Variants in GAS2 observed in about 807,000 individuals in gnomAD.
GAS2 encodes the protein growth arrest specific 2.
In GAS2, 20 loss-of-function variants were observed where a neutral mutation model predicts 37.5. That is an observed-to-expected ratio of 0.53 (90% CI 0.37 to 0.77). GAS2 has a LOEUF of 0.77. Among genes scored for constraint, GAS2 ranks in the 30% least tolerant of loss-of-function variants. The pLI, the probability that GAS2 is intolerant of heterozygous loss-of-function variation, is 0.00. For synonymous variants in GAS2, 144 were observed against 132.2 expected (o/e 1.09, Z -0.61); for missense variants, 336 against 373.4 (o/e 0.90, Z 0.82).
intron 3 of GAS2, among the ~76,000 whole-genome samples, chr11:22,698,203 C>G (rs973306762): frequency 6.6e-6 from 1 of 152,172 alleles, no homozygotes; most frequent in African/African-American, 2.4e-5. Context: ...ACCCATCCCA[C>G]AGAAATACAA....
intron 1 of GAS2, among the ~76,000 whole-genome samples, chr11:22,635,562 A>G (rs337483): frequency 0.97 from 148,261 of 152,284 alleles, 72,313 homozygotes; most frequent in East Asian, 1. Context: ...GTGGCTTTCA[A>G]GCCACACCCC....
intron 2 of GAS2, among the ~76,000 whole-genome samples, chr11:22,682,672 G>A (rs1047819372): frequency 1.3e-5 from 2 of 151,850 alleles, no homozygotes; most frequent in Non-Finnish European, 2.9e-5. Flanking sequence ...TAGGTCAACA[G>A]ATCGAGACCA....
rs1436360854 is a variant in GAS2 at position 22,771,121 on chromosome 11, GT to G, written c.723+15171del. ...TTTTTTCATGAGGTACTAAAACACTGTTTCTTCTTTTGTTTTTCCCATGATA... is the reference window on the plus strand; with the variant it reads ...TTTTTTCATGAGGTACTAAAACACTGTTCTTCTTTTGTTTTTCCCATGATA... On this transcript the variant is annotated intron_variant, in intron 7 of 7. Transcript: ENST00000454584. Among the ~76,000 whole-genome samples, 3 of 151,472 alleles carry G rather than the reference GT, an allele frequency of 2.0e-5. No homozygotes were observed. In the East Asian group the frequency reaches 5.8e-4, roughly 29 times the overall value.
intron 7 of GAS2, among the ~76,000 whole-genome samples, chr11:22,779,070 T>C (rs1156827726): frequency 6.6e-6 from 1 of 151,788 alleles, no homozygotes; most frequent in Admixed American, 6.6e-5. Context: ...TCTTCAGTGT[T>C]TTTCTTTTTT....
intron 1 of GAS2, among the ~76,000 whole-genome samples, chr11:22,637,105 T>G (rs1439907360): frequency 3.9e-5 from 5 of 129,786 alleles, no homozygotes; most frequent in African/African-American, 1.5e-4. Context: ...TTGTATTACA[T>G]TATATTAATA....
chr11:22,703,955 TA>T (rs1850974939), intron 3 of GAS2, among the ~76,000 whole-genome samples: 1 of 151,972 alleles, frequency 6.6e-6, no homozygotes, highest in South Asian at 2.1e-4. Flanking sequence ...ATATAAGAAA[TA>T]AAAAATGTGG....
chr11:22,780,505 T>C (rs1295474605), intron 7 of GAS2, among the ~76,000 whole-genome samples: 1 of 147,240 alleles, frequency 6.8e-6, no homozygotes, highest in African/African-American at 2.6e-5. Context: ...ACCATATGTG[T>C]CTGAGACCTA....
intron 7 of GAS2, among the ~76,000 whole-genome samples, chr11:22,789,249 G>A (rs1191852844): frequency 4.3e-5 from 6 of 139,272 alleles, no homozygotes; most frequent in African/African-American, 1.6e-4. Context: ...AGTAGAAAAA[G>A]TTCAATTTCC....
intron 4 of GAS2, among the ~76,000 whole-genome samples, chr11:22,729,818 G>A (rs1191485266): frequency 1.3e-5 from 2 of 150,852 alleles, no homozygotes. Context: ...GTTAGTATTG[G>A]TAAGTATATA....
At chr11:22,730,623 A>C (rs182801020) in intron 4 of GAS2, among the ~76,000 whole-genome samples, 2 of 151,746 alleles carry the variant, frequency 1.3e-5, no homozygotes, top group Non-Finnish European at 3.0e-5. Context: ...AGATTCCTTT[A>C]AAATATTTAG....
intron 1 of GAS2, among the ~76,000 whole-genome samples, chr11:22,659,286 A>G (rs1489717389): frequency 6.6e-6 from 1 of 152,148 alleles, no homozygotes; most frequent in African/African-American, 2.4e-5. Context: ...TTTTATTTTG[A>G]AGTCAAATTT....
chr11:22,716,188 ACC>A, intron 3 of GAS2, among the ~76,000 whole-genome samples: 1 of 152,314 alleles, frequency 6.6e-6, no homozygotes, highest in East Asian at 1.9e-4. Context: ...GAAGGGACAT[ACC>A]TTAAGTTAAT....
At chr11:22,692,494 A>G (rs1297480672) in intron 3 of GAS2, among the ~76,000 whole-genome samples, 1 of 152,200 alleles carries the variant, frequency 6.6e-6, no homozygotes, top group Non-Finnish European at 1.5e-5. Context: ...CTGGAAAGGC[A>G]GGACAACTTG....
At chr11:22,663,864 A>G (rs1195939914), upstream of GAS2, among the ~76,000 whole-genome samples, 1 of 152,194 alleles carries the variant, frequency 6.6e-6, no homozygotes, top group Non-Finnish European at 1.5e-5. Context: ...AAAAACTATA[A>G]TTCAAAATAT....
intron 7 of GAS2, among the ~76,000 whole-genome samples, chr11:22,788,847 C>T (rs1380396304): frequency 6.6e-6 from 1 of 151,894 alleles, no homozygotes; most frequent in Admixed American, 6.6e-5. Context: ...TTTCTTCAAC[C>T]ATAAACTGGA....
chr11:22,743,486 T>C (rs966111438), intron 5 of GAS2, among the ~76,000 whole-genome samples: 1 of 152,054 alleles, frequency 6.6e-6, no homozygotes, highest in African/African-American at 2.4e-5. Flanking sequence ...ACATAGAAAT[T>C]AGAATTTCCA....
intron 1 of GAS2, among the ~76,000 whole-genome samples, chr11:22,639,049 T>C (rs892526840): frequency 6.6e-6 from 1 of 152,200 alleles, no homozygotes; most frequent in East Asian, 1.9e-4. Context: ...GCTGGAACAA[T>C]TGTTTTATAG....
chr11:22,676,602 G>C (rs1178612936), intron 2 of GAS2, among the ~76,000 whole-genome samples: 1 of 152,084 alleles, frequency 6.6e-6, no homozygotes, highest in African/African-American at 2.4e-5. Flanking sequence ...CTGTGGCAGT[G>C]AATGATTAAA....
intron 5 of GAS2, 52 bp downstream of exon 5, chr11:22,737,820 A>G (rs1852836499): frequency 1.3e-6 from 2 of 1,509,638 alleles, no homozygotes; most frequent in African/African-American, 1.4e-5. Flanking sequence ...TCAGCATCCA[A>G]GCAACACAGA....
Sources: gnomAD v4.1 joint callset for allele counts (sites outside exome capture counted in the v4.1 genomes callset) on GRCh38, gnomAD v4.1.1 for gene constraint, MANE v1.5 for transcripts, NCBI Gene and HGNC (gene_info 2026-07-23, HGNC 2026-07-21) for gene names.